SMCHD1: variants seen among roughly 807,000 people sequenced by gnomAD.
The protein encoded by SMCHD1 is structural maintenance of chromosomes flexible hinge domain containing 1.
SMCHD1 carries 78 observed loss-of-function variants against 254.7 expected under a neutral mutation model. The observed-to-expected ratio is 0.31, with a 90% CI of 0.26 to 0.37. SMCHD1 has a LOEUF of 0.37. Ranked by LOEUF, SMCHD1 falls within the 10% of genes least tolerant of loss-of-function variation. The pLI is 1.00. For synonymous variants in SMCHD1, 766 were observed against 794.9 expected (o/e 0.96, Z 0.61); for missense variants, 1,840 against 2,408.1 (o/e 0.76, Z 4.94).
chr18:2,767,647 T>G (rs185131441), intron 37 of SMCHD1, among the ~76,000 whole-genome samples: 1 of 148,288 alleles, frequency 6.7e-6, no homozygotes, highest in East Asian at 2.0e-4. Flanking sequence ...TGGAGTGCTT[T>G]GGCGCACTCT....
intron 17 of SMCHD1, among the ~76,000 whole-genome samples, chr18:2,711,809 G>A (rs2074682621): frequency 6.6e-6 from 1 of 152,180 alleles, no homozygotes; most frequent in South Asian, 2.1e-4. Context: ...CCCCGGTGTT[G>A]GAGGTGGGAC....
intron 17 of SMCHD1, among the ~76,000 whole-genome samples, chr18:2,715,835 A>G (rs1028963112): frequency 1.3e-5 from 2 of 152,204 alleles, no homozygotes; most frequent in Non-Finnish European, 2.9e-5. Context: ...AGGGCAACAG[A>G]GCAAGACCAC....
At chr18:2,698,328 C>G (rs1438911369) in intron 10 of SMCHD1, among the ~76,000 whole-genome samples, 1 of 152,094 alleles carries the variant, frequency 6.6e-6, no homozygotes, top group East Asian at 1.9e-4. Flanking sequence ...CCCTTGTCTT[C>G]TCTTTATCCT....
intron 8 of SMCHD1, 38 bp downstream of exon 8, chr18:2,694,731 T>A: frequency 6.4e-7 from 1 of 1,568,360 alleles, no homozygotes; most frequent in Non-Finnish European, 8.7e-7. Context: ...TGTTGCTACT[T>A]AACTTTTTTA....
intron 17 of SMCHD1, among the ~76,000 whole-genome samples, chr18:2,708,898 ATATAT>A (rs2074591880): frequency 1.3e-5 from 1 of 76,220 alleles, no homozygotes; most frequent in African/African-American, 6.6e-5. Context: ...ATATATATAT[ATATAT>A]ATATAACATA....
intron 37 of SMCHD1, among the ~76,000 whole-genome samples, chr18:2,766,020 G>A (rs2075861793): frequency 9.9e-6 from 1 of 101,202 alleles, no homozygotes; most frequent in African/African-American, 3.1e-5. Context: ...TGGAGACAGA[G>A]TCTCACTGTC....
At position 2,670,120 on chromosome 18, in the gene SMCHD1, A is replaced by G. The variant is rs575356423; in HGVS notation, c.424+3089A>G. ...GTGTCACTCGCTGCTGAAAACACCC[A>G]TGGCTCCCCATTTCACTAAGAGTAA... On this transcript the variant is annotated intron_variant, in intron 3 of 47. Coordinates refer to ENST00000320876, the MANE Select transcript of SMCHD1 (RefSeq NM_015295.3). Among the ~76,000 whole-genome samples the G allele has an allele frequency of 2.4e-4, 37 of 152,254 alleles. No individual in the cohort carries two copies. In the South Asian group the frequency reaches 5.2e-3, roughly 21 times the overall value.
intron 37 of SMCHD1, among the ~76,000 whole-genome samples, chr18:2,768,912 C>T (rs551061102): frequency 6.6e-6 from 1 of 151,896 alleles, no homozygotes; most frequent in Admixed American, 6.6e-5. Flanking sequence ...GGCTTGTATT[C>T]TATATTCTTT....
intron 41 of SMCHD1, among the ~76,000 whole-genome samples, chr18:2,774,338 A>G (rs990440872): frequency 2.0e-5 from 3 of 151,944 alleles, no homozygotes; most frequent in Admixed American, 6.6e-5. Flanking sequence ...GTTTTTTTGC[A>G]TGTTCATTTT....
At chr18:2,793,498 C>T (rs751980918) in intron 45 of SMCHD1, among the ~76,000 whole-genome samples, 2 of 151,652 alleles carry the variant, frequency 1.3e-5, no homozygotes, top group Non-Finnish European at 2.9e-5. Flanking sequence ...CCTGTCTCTA[C>T]TAAAAATACA....
intron 45 of SMCHD1, among the ~76,000 whole-genome samples, chr18:2,795,704 G>A (rs2076251052): frequency 6.6e-6 from 1 of 152,166 alleles, no homozygotes; most frequent in Admixed American, 6.5e-5. Flanking sequence ...CTTTTATATA[G>A]AGAACTCTTC....
intron 3 of SMCHD1, among the ~76,000 whole-genome samples, 191 bp downstream of exon 3, chr18:2,667,222 A>C (rs1462213095): frequency 6.6e-6 from 1 of 151,806 alleles, no homozygotes; most frequent in Non-Finnish European, 1.5e-5. Flanking sequence ...GTGAAAAAAA[A>C]CTCTCCTTTA....
In SMCHD1 at chr18:2,706,478, AC is replaced by A; in HGVS notation, c.2063+9del. ...AGAAGATGAAATGGCAAGGTAAGTC[AC>A]ACTTCAAGATGCATGACAAAAATAA... On this transcript the variant is annotated intron_variant, in intron 15 of 47. Coordinates refer to ENST00000320876, the MANE Select transcript of SMCHD1 (RefSeq NM_015295.3). 6.4e-7 allele frequency: 1 copy of A among 1,553,116 alleles called. No homozygotes were observed. The highest frequency in any genetic ancestry group is 8.8e-7 in the Non-Finnish European group (1 of 1,140,622).
rs116107962 is a variant in SMCHD1, at chr18:2,764,998, T to G, written c.4719+1209T>G. Among the ~76,000 whole-genome samples, 764 of 152,358 alleles carry G rather than the reference T, an allele frequency of 5.0e-3. 4 individuals are homozygous for G. The highest frequency in any genetic ancestry group is 0.017 in the African/African-American group (692 of 41,580). The stretch of plus-strand genomic sequence containing the variant: ...GAAGTATATGTCTATCTTACTCATA[T>G]TAGCAACACTATATGTGTGAACACT... On this transcript the variant is annotated intron_variant, in intron 37 of 47. Coordinates refer to ENST00000320876, the MANE Select transcript of SMCHD1 (RefSeq NM_015295.3).
Position 2,674,137 on chromosome 18 carries a change from C to T in SMCHD1, c.630C>T (p.Asp210=), listed in dbSNP as rs778017141. Residue 210 remains aspartate (D), a synonymous_variant, in exon 5 of 48, where the codon GAC becomes GAT. Transcript: ENST00000320876. ...YRLSKFTRQG[D]FESDHSGYVR... The stretch of plus-strand genomic sequence containing the variant: ...TGTCAAAATTCACAAGGCAAGGTGA[C>T]TTTGAAAGGTTAGAAAACCTTACTT... The T allele has an allele frequency of 1.1e-5, 17 of 1,576,344 alleles. No homozygotes were observed. Among genetic ancestry groups the T allele is most frequent in the Non-Finnish European group, 1.4e-5 (16 of 1,165,656 alleles).
intron 21 of SMCHD1, 115 bp from the exon 22 acceptor site, chr18:2,726,337 G>T: frequency 3.8e-6 from 2 of 532,014 alleles, no homozygotes. Context: ...AAGTTGGTAA[G>T]TAATTTCTAC....
At chr18:2,744,046 A>C (rs1598395381) in intron 29 of SMCHD1, 118 bp downstream of exon 29, 4 of 868,926 alleles carry the variant, frequency 4.6e-6, no homozygotes, top group Non-Finnish European at 6.6e-6. Context: ...AACAGTTGTT[A>C]ACAGTAAAAA....
rs1434634399 is a variant in SMCHD1 at position 2,770,852 on chromosome 18, C to A, written c.4967-681C>A. On this transcript the variant is annotated intron_variant, in intron 39 of 47. Coordinates refer to ENST00000320876, the MANE Select transcript of SMCHD1 (RefSeq NM_015295.3). ...GCCGGGCTGGTCTCGAACTTCTTAC[C>A]TCAAGTGATCTGCCCACCTTGGCCC... Among the ~76,000 whole-genome samples the A allele has an allele frequency of 3.2e-4, 49 of 152,172 alleles. 1 individual carries two copies. Among genetic ancestry groups the A allele is most frequent in the African/African-American group, 1.2e-3 (48 of 41,506 alleles).
intron 7 of SMCHD1, among the ~76,000 whole-genome samples, chr18:2,689,852 TAAAAAAAAAAA>T (rs1167921048): frequency 2.8e-5 from 2 of 72,512 alleles, no homozygotes; most frequent in South Asian, 4.7e-4. Flanking sequence ...TTGTCTCTAC[TAAAAAAAAAAA>T]AAAAAAAAAA....
Sources: gnomAD v4.1 joint callset for allele counts (sites outside exome capture counted in the v4.1 genomes callset) on GRCh38, gnomAD v4.1.1 for gene constraint, MANE v1.5 for transcripts, NCBI Gene and HGNC (gene_info 2026-07-23, HGNC 2026-07-21) for gene names.